The following ARHGAP42 variants were observed in gnomAD, a reference collection of about 807,000 sequenced individuals.
The protein encoded by ARHGAP42 is rho GTPase-activating protein 42.
ARHGAP42 carries 63 observed loss-of-function variants against 125.0 expected under a neutral mutation model. That is an observed-to-expected ratio of 0.50 (90% CI 0.41 to 0.62). The LOEUF is 0.62. Ranked by LOEUF, ARHGAP42 falls within the 20% of genes least tolerant of loss-of-function variation. ARHGAP42 has a pLI of 0.00. For synonymous variants in ARHGAP42, 339 were observed against 351.0 expected, an observed-to-expected ratio of 0.97 and a Z score of 0.38; for missense variants, 766 against 1,024.2, an observed-to-expected ratio of 0.75 and a Z score of 3.44.
intron 3 of ARHGAP42, among the ~76,000 whole-genome samples, chr11:100,855,031 T>A (rs1865294183): frequency 6.6e-6 from 1 of 152,208 alleles, no homozygotes; most frequent in Non-Finnish European, 1.5e-5. Context: ...TTGTATTGAT[T>A]GTTTATATTG....
intron 10 of ARHGAP42, among the ~76,000 whole-genome samples, chr11:100,946,158 AC>A (rs1868010810): frequency 6.6e-6 from 1 of 152,078 alleles, no homozygotes; most frequent in African/African-American, 2.4e-5. Flanking sequence ...CTAGGTTCAT[AC>A]TTTTTTTCTG....
chr11:100,985,422 A>G (rs1858650057), intron 22 of ARHGAP42, among the ~76,000 whole-genome samples: 1 of 152,134 alleles, frequency 6.6e-6, no homozygotes, highest in African/African-American at 2.4e-5. Context: ...ATCCTGATCA[A>G]ATCAAATGGT....
chr11:100,903,106 G>A (rs1295612812), intron 4 of ARHGAP42, among the ~76,000 whole-genome samples: 6 of 50,146 alleles, frequency 1.2e-4, no homozygotes, highest in Non-Finnish European at 1.8e-4. Flanking sequence ...CAATCTTGCT[G>A]TCCAAGATGC....
intron 3 of ARHGAP42, among the ~76,000 whole-genome samples, chr11:100,826,742 A>C (rs1832884026): frequency 6.6e-6 from 1 of 152,146 alleles, no homozygotes; most frequent in African/African-American, 2.4e-5. Context: ...ACCCTCCCTA[A>C]GAAATCCTTC....
chr11:100,921,652 GA>G (rs753599212), intron 6 of ARHGAP42, 48 bp downstream of exon 6: 12 of 1,145,750 alleles, frequency 1.0e-5, no homozygotes, highest in East Asian at 2.7e-5. Flanking sequence ...ACAATCTATG[GA>G]AAAAAAGTAC....
chr11:100,918,768 A>T (rs1045545070), intron 5 of ARHGAP42, among the ~76,000 whole-genome samples: 1 of 152,210 alleles, frequency 6.6e-6, no homozygotes, highest in African/African-American at 2.4e-5. Flanking sequence ...ATCAAATTTC[A>T]GTAGTCCGCA....
chr11:100,959,725 T>A, intron 12 of ARHGAP42, 158 bp from the exon 13 acceptor site: 2 of 631,720 alleles, frequency 3.2e-6, no homozygotes, highest in Non-Finnish European at 5.6e-6. Flanking sequence ...CCTCTACTTC[T>A]ACCCCAAAAT....
chr11:100,773,185 T>C (rs1391863377), intron 2 of ARHGAP42, among the ~76,000 whole-genome samples: 1 of 151,984 alleles, frequency 6.6e-6, no homozygotes, highest in Non-Finnish European at 1.5e-5. Flanking sequence ...AGAAGCCAGA[T>C]TTTTTTCTTT....
chr11:100,775,333 A>G (rs1373130081), intron 2 of ARHGAP42, among the ~76,000 whole-genome samples: 2 of 152,230 alleles, frequency 1.3e-5, no homozygotes, highest in East Asian at 1.9e-4. Context: ...ATAAACCGGT[A>G]TAAGATAGAT....
chr11:100,841,686 C>T (rs1864949938), intron 3 of ARHGAP42, among the ~76,000 whole-genome samples: 1 of 152,122 alleles, frequency 6.6e-6, no homozygotes, highest in Admixed American at 6.6e-5. Context: ...TTCATTTCAT[C>T]AATATGTCTT....
At chr11:100,847,370 T>G (rs541129923) in intron 3 of ARHGAP42, among the ~76,000 whole-genome samples, 1 of 152,182 alleles carries the variant, frequency 6.6e-6, no homozygotes, top group Non-Finnish European at 1.5e-5. Flanking sequence ...GCATCTGCCA[T>G]GCGCATGGTA....
intron 22 of ARHGAP42, 79 bp from the exon 23 acceptor site, chr11:100,987,434 C>A: frequency 8.6e-7 from 1 of 1,159,326 alleles, no homozygotes; most frequent in Non-Finnish European, 1.3e-6. Context: ...AAATTAATAG[C>A]ATTCTTGAAG....
At chr11:100,696,754 A>ACCGCCTCAAACTCCTGGCCTCAGTCAGTT in intron 1 of ARHGAP42, among the ~76,000 whole-genome samples, 1 of 151,892 alleles carries the variant, frequency 6.6e-6, no homozygotes, top group Non-Finnish European at 1.5e-5. Flanking sequence ...ATAGTGCACT[A>ACCGCCTCAAACTCCTGGCCTCAGTCAGTT]CCGCCTCAAA....
intron 17 of ARHGAP42, among the ~76,000 whole-genome samples, chr11:100,968,510 T>C (rs1245380028): frequency 6.6e-6 from 1 of 152,134 alleles, no homozygotes; most frequent in Non-Finnish European, 1.5e-5. Context: ...TCTTTCTCCT[T>C]TTTGTGCTAT....
intron 12 of ARHGAP42, among the ~76,000 whole-genome samples, chr11:100,955,056 A>G (rs1857768021): frequency 6.6e-6 from 1 of 152,110 alleles, no homozygotes; most frequent in Non-Finnish European, 1.5e-5. Context: ...TTGAATTGCT[A>G]GGAAATTGAA....
At chr11:100,712,168 G>T (rs1417207091) in intron 1 of ARHGAP42, among the ~76,000 whole-genome samples, 2 of 152,144 alleles carry the variant, frequency 1.3e-5, no homozygotes, top group East Asian at 1.9e-4. Flanking sequence ...CAGGTTGGGG[G>T]TAAGTACTAA....
In ARHGAP42 at chr11:100,847,729, C is replaced by T. The variant is rs533606302; in HGVS notation, c.313-11825C>T. Among the ~76,000 whole-genome samples the T allele has an allele frequency of 2.0e-5, 3 of 152,202 alleles. No homozygotes were observed. The East Asian group carries it at 5.8e-4, about 30-fold the overall frequency. On this transcript the variant is annotated intron_variant, in intron 3 of 23. Transcript: ENST00000298815. Reference sequence around the variant, plus strand: ...GAGGCCTTGGTCTAGGGTGACTGGACAGTTGGCTGAATATAGTGCCATTCA... The same window carrying T: ...GAGGCCTTGGTCTAGGGTGACTGGATAGTTGGCTGAATATAGTGCCATTCA...
chr11:100,715,154 G>A (rs1057457385), intron 1 of ARHGAP42, among the ~76,000 whole-genome samples: 2 of 151,868 alleles, frequency 1.3e-5, no homozygotes, highest in East Asian at 3.9e-4. Flanking sequence ...CTGCAGTTGG[G>A]GAATAAGGGT....
chr11:100,802,641 G>T lies in ARHGAP42; in HGVS notation c.312+7475G>T, dbSNP rs200519110. Reference sequence around the variant, plus strand: ...AGAGATGAGGTTTCACCCTGTTGGCGAGTCTCAAACTCTTGGCCTCAAGTG... The same window carrying T: ...AGAGATGAGGTTTCACCCTGTTGGCTAGTCTCAAACTCTTGGCCTCAAGTG... On this transcript the variant is annotated intron_variant, in intron 3 of 23. Transcript: ENST00000298815. 7.3e-5 allele frequency among the ~76,000 whole-genome samples: 11 copies of T among 151,338 alleles called. No homozygotes were observed. In the East Asian group the frequency reaches 1.6e-3, roughly 21 times the overall value.
Sources: allele counts gnomAD v4.1 joint callset (sites outside exome capture counted in the v4.1 genomes callset), GRCh38; gene constraint gnomAD v4.1.1; transcripts MANE v1.5; gene names NCBI Gene and HGNC (gene_info 2026-07-23, HGNC 2026-07-21).